Variants in ETNPPL observed in about 807,000 individuals in gnomAD.
The protein encoded by ETNPPL is ethanolamine-phosphate phospho-lyase.
ETNPPL carries 30 observed loss-of-function variants against 55.5 expected under a neutral mutation model. The observed-to-expected ratio is 0.54, with a 90% CI of 0.40 to 0.73. ETNPPL has a LOEUF of 0.73. Among genes scored for constraint, ETNPPL ranks in the 30% least tolerant of loss-of-function variants. The pLI is 0.00. For missense variants in ETNPPL, 528 were observed against 607.9 expected (o/e 0.87, Z 1.38); for synonymous variants, 202 against 207.2 (o/e 0.98, Z 0.21).
intron 3 of ETNPPL, 88 bp from the exon 4 acceptor site, chr4:108,756,580 T>A (rs1024479895): frequency 2.5e-5 from 25 of 998,924 alleles, no homozygotes; most frequent in Non-Finnish European, 3.6e-5. Context: ...CTCACGCCTG[T>A]AATCCTAGCG....
chr4:108,762,170 C>T, intron 1 of ETNPPL: 1 of 287,524 alleles, frequency 3.5e-6, no homozygotes, highest in Non-Finnish European at 7.1e-6. Flanking sequence ...GAGCTAGAGC[C>T]CCTGTCGGTC....
chr4:108,742,833 G>A (rs1261325732), intron 12 of ETNPPL, among the ~76,000 whole-genome samples: 1 of 152,212 alleles, frequency 6.6e-6, no homozygotes, highest in African/African-American at 2.4e-5. Flanking sequence ...CATAAAATGT[G>A]TGCCAACTTT....
chr4:108,743,709 T>A, intron 12 of ETNPPL, 80 bp downstream of exon 12: 2 of 1,086,640 alleles, frequency 1.8e-6, no homozygotes. Context: ...CTGCACAATT[T>A]TTTGAAAATT....
In ETNPPL at chr4:108,759,763, A is replaced by G. The variant is rs1308466431; in HGVS notation, c.321T>C (p.Tyr107=). 1.2e-6 allele frequency: 2 copies of G among 1,614,160 alleles called. No homozygotes were observed. Among genetic ancestry groups the G allele is most frequent in the Non-Finnish European group, 1.7e-6 (2 of 1,180,018 alleles). Residue 107 remains tyrosine (Y), a synonymous_variant, in exon 3 of 13, where the codon TAT becomes TAC. Transcript: ENST00000296486. ...ATGAAGCATACCCTGAATTTGTAAA[A>G]TAACAAACAGAGAGTTTCTCCGGCA... ...ATLPEKLSVC[Y]FTNSGSEAND...
Position 108,762,869 on chromosome 4 carries a change from A to G in ETNPPL, c.30T>C (p.Thr10=), listed in dbSNP as rs145185345. Residue 10 remains threonine (T), a synonymous_variant, in exon 1 of 13, where the codon ACT becomes ACC. Coordinates refer to ENST00000296486, the MANE Select transcript of ETNPPL (RefSeq NM_031279.4). MCELYSKRD[T]LGLRKKHIGP... ...CGATGTGCTTCTTCCTCAGCCCCAGAGTGTCCCGCTTACTGTACAGCTCGC... is the reference window on the plus strand; with the variant it reads ...CGATGTGCTTCTTCCTCAGCCCCAGGGTGTCCCGCTTACTGTACAGCTCGC... 48 of 1,614,026 alleles carry G rather than the reference A, an allele frequency of 3.0e-5. No individual in the cohort carries two copies. The African/African-American group carries it at 5.6e-4, about 19-fold the overall frequency.
intron 12 of ETNPPL, among the ~76,000 whole-genome samples, chr4:108,743,096 CTT>C (rs1038448996): frequency 1.3e-5 from 2 of 152,216 alleles, no homozygotes; most frequent in African/African-American, 4.8e-5. Context: ...TGAAAAAAGA[CTT>C]TGCTGACTCC....
At chr4:108,749,753 G>T (rs1225270483) in intron 7 of ETNPPL, among the ~76,000 whole-genome samples, 2 of 152,050 alleles carry the variant, frequency 1.3e-5, no homozygotes, top group Non-Finnish European at 2.9e-5. Context: ...CTGTTGCCCA[G>T]GCTGGAGTGC....
intron 8 of ETNPPL, among the ~76,000 whole-genome samples, chr4:108,748,533 C>T (rs1728731685): frequency 1.3e-5 from 2 of 152,114 alleles, no homozygotes; most frequent in African/African-American, 4.8e-5. Context: ...ATGACATTTT[C>T]CCCAAGCAAT....
At chr4:108,743,935 T>C (rs530339494) in intron 11 of ETNPPL, 79 bp from the exon 12 acceptor site, 7 of 874,414 alleles carry the variant, frequency 8.0e-6, no homozygotes, top group Non-Finnish European at 1.3e-5. Context: ...ATCTTAGCAA[T>C]ACCTTTAATG....
intron 5 of ETNPPL, among the ~76,000 whole-genome samples, chr4:108,753,800 G>GAAAGAAAGAAAGAAAGAAAGAAAGA (rs374263477): frequency 3.2e-4 from 35 of 109,052 alleles, no homozygotes; most frequent in South Asian, 8.6e-4. Context: ...AAGAAAGAAA[G>GAAAGAAAGAAAGAAAGAAAGAAAGA]AAAGAAAAGA....
At chr4:108,749,527 G>A in intron 7 of ETNPPL, 64 bp from the exon 8 acceptor site, 3 of 1,221,916 alleles carry the variant, frequency 2.5e-6, no homozygotes, top group East Asian at 2.4e-5. Context: ...CACCCACAAA[G>A]ATGCAAATTA....
At position 108,749,313 on chromosome 4, in the gene ETNPPL, G is replaced by C. The variant is rs112068127; in HGVS notation, c.852C>G (p.His284Gln). Residue 284 changes from histidine to glutamine, a missense_variant, in exon 8 of 13, where the codon CAC becomes CAG. Physicochemically the swap from His to Gln is conservative, Grantham distance 24. Transcript: ENST00000296486. ...TGGTTGTTACCACACATGCCACCGG[G>C]TGGCCGTTGCCCATCGGTTTTCCCA... ...VTMGKPMGNG[H>Q]PVACVVTTKE... is the part of the protein sequence containing the mutation. The C allele has an allele frequency of 6.8e-6, 11 of 1,614,062 alleles. No homozygotes were observed. The highest frequency in any genetic ancestry group is 4.4e-5 in the South Asian group (4 of 91,080).
intron 9 of ETNPPL, 130 bp from the exon 10 acceptor site, chr4:108,746,981 T>G (rs1259895652): frequency 1.1e-5 from 6 of 563,438 alleles, no homozygotes; most frequent in Non-Finnish European, 1.9e-5. Flanking sequence ...TACCAATCTA[T>G]GTTCACAGTT....
Position 108,762,866 on chromosome 4 carries a change from CAG to C in ETNPPL, c.31_32del (p.Leu11GlyfsTer32), listed in dbSNP as rs756492998. On this transcript the variant is annotated frameshift_variant, in exon 1 of 13. Coordinates refer to ENST00000296486, the MANE Select transcript of ETNPPL (RefSeq NM_031279.4). LOFTEE classifies it high-confidence loss of function. MCELYSKRDT[L>X]GLRKKHIGPS... ...ACCCGATGTGCTTCTTCCTCAGCCC[CAG>C]AGTGTCCCGCTTACTGTACAGCTCG... The C allele has an allele frequency of 6.2e-6, 10 of 1,614,004 alleles. No individual in the cohort carries two copies. The highest frequency in any genetic ancestry group is 7.6e-6 in the Non-Finnish European group (9 of 1,179,956).
intron 6 of ETNPPL, among the ~76,000 whole-genome samples, chr4:108,752,304 T>C (rs1728951857): frequency 1.3e-5 from 2 of 152,140 alleles, no homozygotes; most frequent in Admixed American, 1.3e-4. Flanking sequence ...TCCACATAAA[T>C]AACCTACAGA....
intron 5 of ETNPPL, among the ~76,000 whole-genome samples, chr4:108,754,361 G>A (rs1306765720): frequency 6.6e-6 from 1 of 152,134 alleles, no homozygotes; most frequent in African/African-American, 2.4e-5. Context: ...AGATTAAGGA[G>A]CAAGAAAAAT....
chr4:108,759,382 C>G (rs890847340), intron 3 of ETNPPL, among the ~76,000 whole-genome samples: 3 of 108,634 alleles, frequency 2.8e-5, no homozygotes, highest in African/African-American at 1.1e-4. Flanking sequence ...GCCTGAGCGA[C>G]AGAGCAAGGC....
intron 9 of ETNPPL, 42 bp downstream of exon 9, chr4:108,747,963 A>G: frequency 6.5e-7 from 1 of 1,529,470 alleles, no homozygotes; most frequent in Non-Finnish European, 8.9e-7. Context: ...TATTATTTTG[A>G]AAAAAATGAG....
intron 4 of ETNPPL, 93 bp from the exon 5 acceptor site, chr4:108,754,803 T>C (rs2125679098): frequency 3.8e-6 from 3 of 781,320 alleles, no homozygotes; most frequent in South Asian, 1.5e-5. Flanking sequence ...TTCATCCATA[T>C]GCATCCATCC....
Sources: allele counts gnomAD v4.1 joint callset (sites outside exome capture counted in the v4.1 genomes callset), GRCh38; gene constraint gnomAD v4.1.1; transcripts MANE v1.5; gene names NCBI Gene and HGNC (gene_info 2026-07-23, HGNC 2026-07-21).